WDR18: variants seen among roughly 807,000 people sequenced by gnomAD.
WDR18 encodes the protein WD repeat-containing protein 18.
A neutral mutation model predicts 49.6 loss-of-function variants in WDR18; 33 were observed. The ratio of observed to expected loss-of-function variants is 0.67; its 90% CI spans 0.50 to 0.89. The LOEUF (loss-of-function observed/expected upper bound fraction) is 0.89, where lower values mean the gene tolerates loss of function less well. Among genes scored for constraint, WDR18 ranks in the 40% least tolerant of loss-of-function variants. The pLI is 0.00. For missense variants in WDR18, 653 were observed against 593.6 expected (o/e 1.10, Z -1.04); for synonymous variants, 315 against 263.6 (o/e 1.19, Z -1.89).
chr19:993,983 G>A, intron 8 of WDR18, 37 bp from the exon 9 acceptor site: 1 of 1,546,886 alleles, frequency 6.5e-7, no homozygotes, highest in Non-Finnish European at 8.7e-7. Context: ...TGTGTGACAG[G>A]ACGCGCCCCG....
In WDR18 at chr19:990,066, T is replaced by C. The variant is rs770506832; in HGVS notation, c.456-157T>C. ...CTGCCCACACTGGGGTCTGGTTTGT[T>C]CTGGGGGCCGTGGGGGCCCAGCCTT... On this transcript the variant is annotated intron_variant, in intron 3 of 9. Transcript: ENST00000585809. 4.3e-4 allele frequency: 596 copies of C among 1,391,838 alleles called. 1 individual carries two copies. In the Middle Eastern group the frequency reaches 9.1e-3, roughly 21 times the overall value. 86.2% of individuals were successfully genotyped at this position (1,391,838 alleles called of 1,614,324 possible). A position where few individuals can be genotyped will look rare whatever the true frequency, so the allele number is the denominator to read the frequency against.
At position 990,462 on chromosome 19, in the gene WDR18, G is replaced by A; in HGVS notation, c.597+98G>A. 3.6e-6 allele frequency: 5 copies of A among 1,403,724 alleles called. 1 individual carries two copies. The South Asian group carries it at 7.3e-5, about 21-fold the overall frequency. 87.0% of individuals were successfully genotyped at this position (1,403,724 alleles called of 1,614,324 possible). A position where few individuals can be genotyped will look rare whatever the true frequency, so the allele number is the denominator to read the frequency against. ...GAATCGCCTCCTCCCGCTCCCTGCTGTCAGGACTCCAGACGGCTTTTAATC... is the reference window on the plus strand; with the variant it reads ...GAATCGCCTCCTCCCGCTCCCTGCTATCAGGACTCCAGACGGCTTTTAATC... On this transcript the variant is annotated intron_variant, in intron 4 of 9. Transcript: ENST00000585809.
intron 9 of WDR18, 24 bp from the exon 10 acceptor site, chr19:994,189 C>A: frequency 6.3e-7 from 1 of 1,584,740 alleles, no homozygotes; most frequent in Non-Finnish European, 8.6e-7. Context: ...CACTTCTGCC[C>A]TCTGACCCCG....
chr19:987,829 G>T (rs1291683836), intron 2 of WDR18, among the ~76,000 whole-genome samples: 119 of 91,722 alleles, frequency 1.3e-3, no homozygotes, highest in East Asian at 8.5e-3. Flanking sequence ...GCCGCCTCCA[G>T]TTTTTTTTTT....
chr19:983,349 G>A (rs2038437611), upstream of WDR18, among the ~76,000 whole-genome samples: 1 of 152,036 alleles, frequency 6.6e-6, no homozygotes, highest in African/African-American at 2.4e-5. Context: ...AGGCTGGAGT[G>A]CCTGGGATCT....
intron 8 of WDR18, among the ~76,000 whole-genome samples, chr19:993,666 C>A (rs1408884460): frequency 6.6e-6 from 1 of 152,232 alleles, no homozygotes; most frequent in African/African-American, 2.4e-5. Context: ...GTCTGTGAGG[C>A]CCTCGCCAGG....
rs1193627423 is a variant in WDR18, at chr19:992,103, C to T, written c.1080C>T (p.Arg360=). 1 of 1,502,120 alleles carries T rather than the reference C, an allele frequency of 6.7e-7. No homozygotes were observed. The highest frequency in any genetic ancestry group is 8.8e-7 in the Non-Finnish European group (1 of 1,130,354). The allele number at this position is 1,502,120 out of a possible 1,614,324, so 93.0% of individuals were successfully genotyped here. The change falls in exon 8 of 10, where the codon CGC becomes CGT. Residue 360 remains arginine (R), a synonymous_variant. Transcript: ENST00000585809. ...CGCGCCACGGGGGCCTCACTCTGCG[C>T]CTGGGCCTCCACCAGCAGGTACGGC... is the stretch of plus-strand genomic sequence containing the variant. ...DEPRHGGLTL[R]LGLHQQGSEP... is the part of the protein sequence containing the mutation.
Position 984,479 on chromosome 19 carries a change from C to G in WDR18, c.126C>G (p.Arg42=), listed in dbSNP as rs539461230. 5.5e-5 allele frequency: 86 copies of G among 1,574,960 alleles called. No individual in the cohort carries two copies. Among genetic ancestry groups the G allele is most frequent in the African/African-American group, 6.9e-5 (5 of 72,858 alleles). ...ACCGCGGCGGCCAGGCGGGACCCCG[C>G]GGCCTGGCGCTGCTCAATGGCGAGT... ...LTYRGGQAGP[R]GLALLNGEYL... is the part of the protein sequence containing the mutation. Residue 42 remains arginine, a synonymous_variant, in exon 1 of 10, where the codon CGC becomes CGG. Coordinates refer to ENST00000585809, the MANE Select transcript of WDR18 (RefSeq NM_024100.4).
At position 991,137 on chromosome 19, in the gene WDR18, A is replaced by C; in HGVS notation, c.798A>C (p.Lys266Asn). ...HPEQDAGKVF[K>N]GHRNQVTCLS... is the part of the protein sequence containing the mutation. ...AGCAGGACGCCGGGAAGGTCTTCAAAGGGCACAGGTGGGGACGTGGGAACG... is the reference window on the plus strand; with the variant it reads ...AGCAGGACGCCGGGAAGGTCTTCAACGGGCACAGGTGGGGACGTGGGAACG... Residue 266 changes from lysine to asparagine, a missense_variant, in exon 6 of 10, where the codon AAA becomes AAC. Coordinates refer to ENST00000585809, the MANE Select transcript of WDR18 (RefSeq NM_024100.4). 6.4e-7 allele frequency: 1 copy of C among 1,574,632 alleles called. No homozygotes were observed. Among genetic ancestry groups the C allele is most frequent in the Non-Finnish European group, 8.6e-7 (1 of 1,159,856 alleles).
intron 4 of WDR18, chr19:990,615 C>A: frequency 1.2e-6 from 1 of 805,104 alleles, no homozygotes; most frequent in Non-Finnish European, 1.9e-6. Flanking sequence ...ATGCTTGAGT[C>A]GTGACCGGTG....
intron 2 of WDR18, among the ~76,000 whole-genome samples, chr19:986,818 G>T (rs942049248): frequency 6.6e-6 from 1 of 152,196 alleles, no homozygotes; most frequent in Non-Finnish European, 1.5e-5. Context: ...GGCCCATACC[G>T]TAGCTGTGGC....
upstream of WDR18, among the ~76,000 whole-genome samples, chr19:982,966 C>A (rs1308755226): frequency 6.6e-6 from 1 of 152,162 alleles, no homozygotes; most frequent in Non-Finnish European, 1.5e-5. Context: ...GAGCCGCGGA[C>A]CAGGAGTCGC....
rs758439112 is a variant in WDR18 at position 991,262 on chromosome 19, G to T, written c.842G>T (p.Gly281Val). ...QVTCLSVSTD[G>V]SVLLSGSHDE... ...ACTTGCCTGTCAGTGTCCACTGACG[G>T]CAGCGTGCTGCTCTCAGGCTCCCAC... The change falls in exon 7 of 10, where the codon GGC becomes GTC. Residue 281 changes from glycine to valine, a missense_variant. By Grantham distance (109) the Gly-to-Val change is moderately radical (BLOSUM62 -3). Coordinates refer to ENST00000585809, the MANE Select transcript of WDR18 (RefSeq NM_024100.4). 6.4e-7 allele frequency: 1 copy of T among 1,573,060 alleles called. No homozygotes were observed. The highest frequency in any genetic ancestry group is 1.2e-5 in the South Asian group (1 of 86,536).
Position 991,070 on chromosome 19 carries a change from G to A in WDR18, c.742-11G>A, listed in dbSNP as rs373266320. 30 of 1,603,512 alleles carry A rather than the reference G, an allele frequency of 1.9e-5. No individual in the cohort carries two copies. The highest frequency in any genetic ancestry group is 1.3e-4 in the African/African-American group (10 of 74,896). On this transcript the variant is annotated splice_polypyrimidine_tract_variant and intron_variant, in intron 5 of 9. Coordinates refer to ENST00000585809, the MANE Select transcript of WDR18 (RefSeq NM_024100.4). Reference sequence around the variant, plus strand: ...CGGGCCTGCGGCTCACACACGTCTCGGCCTTCGCAGCCCGGACAGAGGGAG... The same window carrying A: ...CGGGCCTGCGGCTCACACACGTCTCAGCCTTCGCAGCCCGGACAGAGGGAG...
In WDR18 at chr19:991,993, A is replaced by G; in HGVS notation, c.970A>G (p.Ser324Gly). The change falls in exon 8 of 10, where the codon AGC becomes GGC. Residue 324 changes from serine (S) to glycine (G), a missense_variant. Coordinates refer to ENST00000585809, the MANE Select transcript of WDR18 (RefSeq NM_024100.4). ...TGCCGCCATCCTGCTGGCGCCCGTCAGCATGCTGAGCTCAGACTTCAGGCC... is the reference window on the plus strand; with the variant it reads ...TGCCGCCATCCTGCTGGCGCCCGTCGGCATGCTGAGCTCAGACTTCAGGCC... ...TNAAILLAPVSMLSSDFRPSL... is the reference protein window; with the variant it reads ...TNAAILLAPVGMLSSDFRPSL... The G allele has an allele frequency of 1.3e-6, 2 of 1,597,710 alleles. No individual in the cohort carries two copies. Among genetic ancestry groups the G allele is most frequent in the Non-Finnish European group, 1.7e-6 (2 of 1,176,100 alleles).
chr19:990,455 C>G (rs1416372247), intron 4 of WDR18, 91 bp downstream of exon 4: 1 of 1,417,138 alleles, frequency 7.1e-7, no homozygotes, highest in Non-Finnish European at 9.3e-7. Context: ...TCCTCCCGCT[C>G]CCTGCTGTCA....
In WDR18 at chr19:994,522, T is replaced by G. The variant is rs2038607345; in HGVS notation, c.*178T>G. On this transcript the variant is annotated 3_prime_UTR_variant, in exon 10 of 10. Coordinates refer to ENST00000585809, the MANE Select transcript of WDR18 (RefSeq NM_024100.4). ...TGTCTCGTGGCACGCGTCACAGTGG[T>G]GCTAGTCTGTTTTTAACAAAAGAGG... is the stretch of plus-strand genomic sequence containing the variant. The G allele has an allele frequency of 1.1e-6, 1 of 884,090 alleles. No homozygotes were observed. 54.8% of individuals were successfully genotyped at this position (884,090 alleles called of 1,614,324 possible).
chr19:983,641 G>A (rs2038441569), upstream of WDR18, among the ~76,000 whole-genome samples: 1 of 151,084 alleles, frequency 6.6e-6, no homozygotes, highest in Non-Finnish European at 1.5e-5. Flanking sequence ...TGCTTGGCTC[G>A]GACAGAACTG....
chr19:994,432 A>G lies in WDR18; in HGVS notation c.*88A>G. On this transcript the variant is annotated 3_prime_UTR_variant, in exon 10 of 10. Transcript: ENST00000585809. ...CCGCGGGTGTGGCCCCCACCAGCCC[A>G]GGCCTGGACTCTCCTCAGTTCTGTG... 1 of 1,502,238 alleles carries G rather than the reference A, an allele frequency of 6.7e-7. No individual in the cohort carries two copies. Among genetic ancestry groups the G allele is most frequent in the Non-Finnish European group, 8.9e-7 (1 of 1,122,782 alleles). 93.1% of individuals were successfully genotyped at this position (1,502,238 alleles called of 1,614,324 possible).
Sources: allele counts gnomAD v4.1 joint callset (sites outside exome capture counted in the v4.1 genomes callset), GRCh38; gene constraint gnomAD v4.1.1; transcripts MANE v1.5; gene names NCBI Gene and HGNC (gene_info 2026-07-23, HGNC 2026-07-21).